The following DBN1 variants were observed in gnomAD, a reference collection of about 807,000 sequenced individuals.
DBN1 encodes the protein drebrin.
Under a neutral mutation model 83.5 loss-of-function variants are expected in DBN1, and 21 were observed. The observed-to-expected ratio is 0.25, with a 90% CI of 0.18 to 0.36. The LOEUF is 0.36. DBN1 is among the 10% of genes least tolerant of loss of function. DBN1 has a pLI of 1.00. For missense variants in DBN1, 874 were observed against 935.7 expected, an observed-to-expected ratio of 0.93 and a Z score of 0.86; for synonymous variants, 381 against 384.9, an observed-to-expected ratio of 0.99 and a Z score of 0.12.
In DBN1 at chr5:177,457,266, A is replaced by G; in HGVS notation, c.*167T>C. 1 of 651,314 alleles carries G rather than the reference A, an allele frequency of 1.5e-6. No homozygotes were observed. The highest frequency in any genetic ancestry group is 1.8e-5 in the South Asian group (1 of 55,788). The allele number at this position is 651,314 out of a possible 1,614,324, so 40.3% of individuals were successfully genotyped here. A position where few individuals can be genotyped will look rare whatever the true frequency, so the allele number is the denominator to read the frequency against. ...TTTTTAAAAAAAGAGAAAAGCTGTA[A>G]AAGTCAGGCCCTGTGGGTAGGGAAG... On this transcript the variant is annotated 3_prime_UTR_variant, in exon 15 of 15. Coordinates refer to ENST00000393565, the MANE Select transcript of DBN1 (RefSeq NM_001363541.2).
intron 8 of DBN1, chr5:177,462,426 G>C: frequency 1.0e-6 from 1 of 984,716 alleles, no homozygotes; most frequent in Non-Finnish European, 1.2e-6. Context: ...CTGAACAAGA[G>C]GCTTGTTCAG....
At chr5:177,472,523 G>A in intron 1 of DBN1, 1 of 780,404 alleles carries the variant, frequency 1.3e-6, no homozygotes, top group South Asian at 2.3e-5. Flanking sequence ...CCCTCCCCCA[G>A]CTCAGCGGGA....
chr5:177,458,969 GC>G, intron 12 of DBN1, 128 bp downstream of exon 12: 1 of 1,454,322 alleles, frequency 6.9e-7, no homozygotes, highest in Non-Finnish European at 9.1e-7. Context: ...CCACACAGCC[GC>G]CTCCAGGGCA....
At chr5:177,459,495 G>A in intron 11 of DBN1, 108 bp downstream of exon 11, 1 of 1,365,032 alleles carries the variant, frequency 7.3e-7, no homozygotes. Flanking sequence ...CCTGCCCTGG[G>A]GGCAAACACC....
chr5:177,461,224 A>G (rs954333293), intron 8 of DBN1, among the ~76,000 whole-genome samples: 26 of 141,344 alleles, frequency 1.8e-4, no homozygotes, highest in East Asian at 1.3e-3. Flanking sequence ...TCAGCCTCCC[A>G]AGTAGCTGGG....
chr5:177,473,512 C>T lies in DBN1; in HGVS notation c.10G>A (p.Val4Ile). Residue 4 changes from valine to isoleucine, a missense_variant, in exon 1 of 15, where the codon GTC becomes ATC. Transcript: ENST00000393565. MAG[V>I]SFSGHRLELL... Reference sequence around the variant, plus strand: ...TCCAGGCGGTGGCCGCTGAAGCTGACGCCGGCCATGCTTCGGGCCGGACCG... The same window carrying T: ...TCCAGGCGGTGGCCGCTGAAGCTGATGCCGGCCATGCTTCGGGCCGGACCG... 1.4e-6 allele frequency: 2 copies of T among 1,427,294 alleles called. No individual in the cohort carries two copies. The highest frequency in any genetic ancestry group is 1.5e-5 in the African/African-American group (1 of 68,022). The allele number at this position is 1,427,294 out of a possible 1,614,324, so 88.4% of individuals were successfully genotyped here.
chr5:177,472,705 G>A, intron 1 of DBN1: 3 of 812,752 alleles, frequency 3.7e-6, no homozygotes, highest in Non-Finnish European at 4.5e-6. Flanking sequence ...TGGCCCCTTA[G>A]GCAGCTCGGT....
rs777858769 is a variant in DBN1 at position 177,467,731 on chromosome 5, CCT to C, written c.330+10_330+11del. The C allele has an allele frequency of 1.5e-5, 23 of 1,552,892 alleles. No homozygotes were observed. The highest frequency in any genetic ancestry group is 7.3e-5 in the East Asian group (3 of 41,004). Reference sequence around the variant, plus strand: ...GTCCCCACCCCCAAGAGCGCTGGCCCCTGACACGCACCTGGAAGAACTCCGCC... The same window carrying C: ...GTCCCCACCCCCAAGAGCGCTGGCCCGACACGCACCTGGAAGAACTCCGCC... On this transcript the variant is annotated intron_variant, in intron 4 of 14. Transcript: ENST00000393565. The surrounding 1 kb of genome is among the most constrained non-coding windows in gnomAD (Gnocchi z 9.1).
chr5:177,466,783 G>C lies in DBN1; in HGVS notation c.760C>G (p.Gln254Glu). 6.2e-7 allele frequency: 1 copy of C among 1,614,156 alleles called. No individual in the cohort carries two copies. The highest frequency in any genetic ancestry group is 1.7e-5 in the Admixed American group (1 of 60,018). Residue 254 changes from glutamine (Q) to glutamate (E), a missense_variant, in exon 8 of 15, where the codon CAG (glutamine) becomes GAG (glutamate). Gln to Glu is a conservative substitution (Grantham distance 29). Around this residue, in one of 4 missense-constraint regions of DBN1, gnomAD observed 725 missense variants for 719.7 expected, o/e 1.01. Coordinates refer to ENST00000393565, the MANE Select transcript of DBN1 (RefSeq NM_001363541.2). This position sits in a 1 kb window ranked among gnomAD's most constrained non-coding sequence, Gnocchi z 4.8. The stretch of plus-strand genomic sequence containing the variant: ...GGCAAAGAACTTACAAAGATAGACT[G>C]CTCCTTCAACCGCCTCTTGGCCTCT... ...AEEAKRRLKE[Q>E]SIFGDHRDEE...
chr5:177,458,952 C>G, intron 12 of DBN1, 146 bp downstream of exon 12: 1 of 1,387,198 alleles, frequency 7.2e-7, no homozygotes. Context: ...TACACCAGGG[C>G]TCCTCCCCAC....
intron 12 of DBN1, 80 bp from the exon 13 acceptor site, chr5:177,458,787 GA>G (rs1320712993): frequency 1.5e-6 from 2 of 1,326,806 alleles, no homozygotes; most frequent in Admixed American, 5.9e-5. Flanking sequence ...ACTAAGGAGT[GA>G]GGGAGCCAGG....
At chr5:177,459,871 A>G in intron 10 of DBN1, 131 bp from the exon 11 acceptor site, 1 of 1,065,688 alleles carries the variant, frequency 9.4e-7, no homozygotes, top group Non-Finnish European at 1.3e-6. Flanking sequence ...CCAGGGGCAC[A>G]ATCAGCCAAG....
chr5:177,468,145 G>T lies in DBN1; in HGVS notation c.218C>A (p.Ser73Tyr). Residue 73 changes from serine (S) to tyrosine (Y), a missense_variant, in exon 3 of 15, where the codon TCC becomes TAC. Ser to Tyr is a moderately radical substitution (Grantham distance 144). Transcript: ENST00000393565. ...VMYGFCSVKDSQAALPKYVLI... is the reference protein window; with the variant it reads ...VMYGFCSVKDYQAALPKYVLI... ...CACGTATTTTGGCAGAGCAGCTTGG[G>T]AGTCCTTGACACTGCAGAAGCCGTA... 6.2e-7 allele frequency: 1 copy of T among 1,613,984 alleles called. No individual in the cohort carries two copies. The highest frequency in any genetic ancestry group is 8.5e-7 in the Non-Finnish European group (1 of 1,180,014).
At chr5:177,469,389 G>T (rs1757692076) in intron 1 of DBN1, among the ~76,000 whole-genome samples, 1 of 152,086 alleles carries the variant, frequency 6.6e-6, no homozygotes, top group Non-Finnish European at 1.5e-5. Flanking sequence ...CAGTAACCAT[G>T]GCAACCCTGC....
chr5:177,458,964 C>G, intron 12 of DBN1, 134 bp downstream of exon 12: 1 of 1,444,990 alleles, frequency 6.9e-7, no homozygotes, highest in Non-Finnish European at 9.1e-7. Flanking sequence ...CCTCCCCACA[C>G]AGCCGCCTCC....
Position 177,457,311 on chromosome 5 carries a change from G to A in DBN1, c.*122C>T. The A allele has an allele frequency of 1.2e-6, 1 of 807,932 alleles. No individual in the cohort carries two copies. The highest frequency in any genetic ancestry group is 2.1e-6 in the Non-Finnish European group (1 of 465,856). 50.0% of individuals were successfully genotyped at this position (807,932 alleles called of 1,614,324 possible). A position where few individuals can be genotyped will look rare whatever the true frequency, so the allele number is the denominator to read the frequency against. ...GGGAAGCGGCCAAGTCCCCAGCCAG[G>A]GCCGGAATCCGGAGTGGGTGCCAGG... On this transcript the variant is annotated 3_prime_UTR_variant, in exon 15 of 15. Transcript: ENST00000393565.
At chr5:177,463,244 A>G (rs1160123737) in intron 8 of DBN1, among the ~76,000 whole-genome samples, 1 of 152,150 alleles carries the variant, frequency 6.6e-6, no homozygotes, top group Non-Finnish European at 1.5e-5. Flanking sequence ...TCACCATGTT[A>G]GCCAGGATGG....
At chr5:177,459,339 G>A (rs1426357162) in intron 11 of DBN1, 71 bp from the exon 12 acceptor site, 1 of 1,560,060 alleles carries the variant, frequency 6.4e-7, no homozygotes, top group East Asian at 2.3e-5. Context: ...CCACCTTGGG[G>A]CCTGGCCAGC....
chr5:177,460,394 A>G, intron 10 of DBN1, 38 bp downstream of exon 10: 1 of 1,612,128 alleles, frequency 6.2e-7, no homozygotes, highest in Non-Finnish European at 8.5e-7. Context: ...CCGCAACCTG[A>G]GGAGTGGGGC....
Sources: gnomAD v4.1 joint callset for allele counts (sites outside exome capture counted in the v4.1 genomes callset) on GRCh38, gnomAD v4.1.1 for gene constraint, gnomAD v4.1.1 regional missense constraint, Gnocchi (gnomAD v3.1) non-coding constraint, MANE v1.5 for transcripts, NCBI Gene and HGNC (gene_info 2026-07-23, HGNC 2026-07-21) for gene names.